The following FAF1 variants were observed in gnomAD, a reference collection of about 807,000 sequenced individuals.
The protein encoded by FAF1 is Fas associated factor 1.
A neutral mutation model predicts 92.5 loss-of-function variants in FAF1; 25 were observed. That is an observed-to-expected ratio of 0.27 (90% confidence interval 0.20 to 0.38). FAF1 has a LOEUF of 0.38. Ranked by LOEUF, FAF1 falls within the 10% of genes least tolerant of loss-of-function variation. The pLI is 1.00. For synonymous variants in FAF1, 234 were observed against 273.2 expected, an observed-to-expected ratio of 0.86 and a Z score of 1.42; for missense variants, 636 against 793.3, an observed-to-expected ratio of 0.80 and a Z score of 2.38.
chr1:50,743,874 C>A (rs1659486954), intron 5 of FAF1, among the ~76,000 whole-genome samples: 1 of 151,480 alleles, frequency 6.6e-6, no homozygotes. Context: ...AGTTCGAGAC[C>A]AGCCTGGCCA....
intron 1 of FAF1, among the ~76,000 whole-genome samples, chr1:50,858,418 A>G (rs533348918): frequency 6.6e-6 from 1 of 151,916 alleles, no homozygotes; most frequent in African/African-American, 2.4e-5. Flanking sequence ...CGAAAACTAT[A>G]AAACTAGATC....
At chr1:50,801,838 A>T (rs947564410) in intron 2 of FAF1, among the ~76,000 whole-genome samples, 161 bp from the exon 3 acceptor site, 11 of 152,176 alleles carry the variant, frequency 7.2e-5, no homozygotes, top group African/African-American at 2.7e-4. Flanking sequence ...ATGTTTCTAT[A>T]TTTCTCAGTT....
At chr1:50,731,184 A>G (rs1429933855) in intron 6 of FAF1, among the ~76,000 whole-genome samples, 4 of 152,178 alleles carry the variant, frequency 2.6e-5, no homozygotes, top group Non-Finnish European at 5.9e-5. Context: ...CTCTGGTCAC[A>G]GGTTGGACAA....
At chr1:50,820,638 G>A (rs1157497168) in intron 2 of FAF1, among the ~76,000 whole-genome samples, 3 of 152,088 alleles carry the variant, frequency 2.0e-5, no homozygotes, top group African/African-American at 7.2e-5. Context: ...TGTACCCTTT[G>A]ACCAACATCT....
chr1:50,782,398 C>T (rs1661210596), intron 4 of FAF1, among the ~76,000 whole-genome samples: 1 of 151,374 alleles, frequency 6.6e-6, no homozygotes. Flanking sequence ...TAGTTTTTAA[C>T]AGAAAAGTTT....
chr1:50,663,304 G>C (rs1655474730), intron 7 of FAF1, among the ~76,000 whole-genome samples: 2 of 151,528 alleles, frequency 1.3e-5, no homozygotes, highest in African/African-American at 2.4e-5. Context: ...CACAGACCTA[G>C]TGTATAGAAC....
At chr1:50,709,087 G>A (rs1456274137) in intron 6 of FAF1, among the ~76,000 whole-genome samples, 1 of 152,314 alleles carries the variant, frequency 6.6e-6, no homozygotes, top group African/African-American at 2.4e-5. Context: ...TAGATCTATT[G>A]TACAACTATT....
At chr1:50,884,521 CA>C (rs560254938) in intron 1 of FAF1, among the ~76,000 whole-genome samples, 1,901 of 90,578 alleles carry the variant, frequency 0.021, 25 homozygotes, top group African/African-American at 0.056. Flanking sequence ...GACTCTGTCT[CA>C]AAAAAAAAAA....
At chr1:50,559,310 C>G (rs1010370275) in intron 13 of FAF1, among the ~76,000 whole-genome samples, 9 of 152,080 alleles carry the variant, frequency 5.9e-5, no homozygotes, top group African/African-American at 2.2e-4. Flanking sequence ...AACAGTTTAG[C>G]CATCAACTAT....
At chr1:50,457,951 CA>C (rs1173957771) in intron 18 of FAF1, among the ~76,000 whole-genome samples, 5 of 150,832 alleles carry the variant, frequency 3.3e-5, no homozygotes, top group Admixed American at 6.6e-5. Context: ...CGGTGGCTCA[CA>C]CCTTTAATCC....
chr1:50,601,772 GTATACATATATTCATA>G (rs1367539758), intron 8 of FAF1, among the ~76,000 whole-genome samples: 1 of 151,054 alleles, frequency 6.6e-6, no homozygotes, highest in Non-Finnish European at 1.5e-5. Flanking sequence ...ATATTCATAT[GTATACATATATTCATA>G]TATACATATA....
intron 1 of FAF1, among the ~76,000 whole-genome samples, chr1:50,869,280 A>G (rs571931743): frequency 9.8e-5 from 15 of 152,288 alleles, no homozygotes; most frequent in African/African-American, 3.6e-4. Flanking sequence ...TAGACAGACT[A>G]TAGTCAGGTC....
chr1:50,631,706 C>T (rs887392787), intron 8 of FAF1, among the ~76,000 whole-genome samples: 1 of 152,164 alleles, frequency 6.6e-6, no homozygotes, highest in Non-Finnish European at 1.5e-5. Flanking sequence ...GCTAGTTTTG[C>T]TGCTGCACCC....
intron 9 of FAF1, among the ~76,000 whole-genome samples, chr1:50,591,807 A>G (rs2124062708): frequency 6.6e-6 from 1 of 152,170 alleles, no homozygotes; most frequent in African/African-American, 2.4e-5. Flanking sequence ...CACTAACAGC[A>G]ACCTACACTT....
chr1:50,648,867 G>A (rs191496450), intron 8 of FAF1, among the ~76,000 whole-genome samples: 10 of 152,036 alleles, frequency 6.6e-5, no homozygotes, highest in African/African-American at 2.2e-4. Flanking sequence ...CGGAGGTTGC[G>A]GTGAGCCAAG....
chr1:50,680,570 C>G (rs896544170), intron 7 of FAF1, among the ~76,000 whole-genome samples: 2 of 151,952 alleles, frequency 1.3e-5, no homozygotes, highest in Non-Finnish European at 2.9e-5. Context: ...GTAATCCCAG[C>G]TACTCAGGAG....
intron 4 of FAF1, among the ~76,000 whole-genome samples, chr1:50,757,893 C>T (rs750239734): frequency 6.6e-6 from 1 of 151,922 alleles, no homozygotes; most frequent in East Asian, 1.9e-4. Flanking sequence ...TGTGTATTCA[C>T]GGTTTCAGTG....
intron 15 of FAF1, among the ~76,000 whole-genome samples, chr1:50,516,961 G>T (rs757356520): frequency 2.0e-5 from 3 of 152,102 alleles, no homozygotes; most frequent in Non-Finnish European, 2.9e-5. Context: ...TATTTGCAGT[G>T]AACAGACTCC....
At chr1:50,449,149 T>A (rs1156331277) in intron 18 of FAF1, among the ~76,000 whole-genome samples, 1 of 152,182 alleles carries the variant, frequency 6.6e-6, no homozygotes, top group Non-Finnish European at 1.5e-5. Context: ...AATGCATACA[T>A]AATAGTATTA....
Sources: allele counts gnomAD v4.1 joint callset (sites outside exome capture counted in the v4.1 genomes callset), GRCh38; gene constraint gnomAD v4.1.1; transcripts MANE v1.5; gene names NCBI Gene and HGNC (gene_info 2026-07-23, HGNC 2026-07-21).